Variants in ADGRB3 observed in about 807,000 individuals in gnomAD.
The protein encoded by ADGRB3 is brain-specific angiogenesis inhibitor 3.
In ADGRB3, 37 loss-of-function variants were observed where a neutral mutation model predicts 193.4. That is an observed-to-expected ratio of 0.19 (90% CI 0.15 to 0.25). The LOEUF is 0.25. Among genes scored for constraint, ADGRB3 ranks in the 10% least tolerant of loss-of-function variants. The pLI is 1.00. For missense variants in ADGRB3, 1,637 were observed against 1,852.9 expected (o/e 0.88, Z 2.14); for synonymous variants, 690 against 644.2 (o/e 1.07, Z -1.08).
At position 69,382,898 on chromosome 6, in the gene ADGRB3, T is replaced by C. The variant is rs1268452465; in HGVS notation, c.4343T>C (p.Leu1448Ser). The C allele has an allele frequency of 1.2e-6, 2 of 1,609,624 alleles. No individual in the cohort carries two copies. Among genetic ancestry groups the C allele is most frequent in the East Asian group, 2.2e-5 (1 of 44,612 alleles). Reference sequence around the variant, plus strand: ...GAACTAAATCAGAAATTTCAAACTTTGGACAGATTTCGGGATATACCAAAT... The same window carrying C: ...GAACTAAATCAGAAATTTCAAACTTCGGACAGATTTCGGGATATACCAAAT... ...FQELNQKFQTLDRFRDIPNTS... is the reference protein window; with the variant it reads ...FQELNQKFQTSDRFRDIPNTS... Residue 1448 changes from leucine to serine, a missense_variant, in exon 31 of 32, where the codon TTG becomes TCG. This residue lies in a region of ADGRB3 where 368 missense variants were observed against 367.4 expected (regional missense o/e 1.00). Transcript: ENST00000370598.
At chr6:69,342,307 C>T (rs1047591091) in intron 26 of ADGRB3, among the ~76,000 whole-genome samples, 2 of 152,068 alleles carry the variant, frequency 1.3e-5, no homozygotes, top group African/African-American at 4.8e-5. Flanking sequence ...AGTGTCATAA[C>T]ACTCTTTAGC....
Position 69,016,109 on chromosome 6 carries a change from G to A in ADGRB3, c.1998+2003G>A, listed in dbSNP as rs138333133. 3.1e-3 allele frequency among the ~76,000 whole-genome samples: 473 copies of A among 151,954 alleles called. 2 individuals are homozygous for A. Among genetic ancestry groups the A allele is most frequent in the African/African-American group, 0.01 (432 of 41,482 alleles). ...ATTTACCTATAATCTATATACGGTC[G>A]TTTTGGTGCGACAAGGAAAGAGTTG... On this transcript the variant is annotated intron_variant, in intron 12 of 31. Transcript: ENST00000370598.
intron 20 of ADGRB3, among the ~76,000 whole-genome samples, chr6:69,307,810 G>A (rs534169129): frequency 6.6e-6 from 1 of 151,470 alleles, no homozygotes; most frequent in South Asian, 2.1e-4. Flanking sequence ...GAAGAATTAG[G>A]CAAATGGCTA....
At chr6:68,891,036 T>TA (rs1381239332) in intron 3 of ADGRB3, among the ~76,000 whole-genome samples, 4 of 152,152 alleles carry the variant, frequency 2.6e-5, no homozygotes, top group Non-Finnish European at 5.9e-5. Context: ...TTAGTGGACT[T>TA]ACAGTTCCAC....
chr6:69,179,932 C>T (rs548929294), intron 17 of ADGRB3, among the ~76,000 whole-genome samples: 5 of 152,316 alleles, frequency 3.3e-5, no homozygotes, highest in African/African-American at 1.2e-4. Context: ...TCATGAAGTG[C>T]ACTGTGGTCT....
intron 17 of ADGRB3, among the ~76,000 whole-genome samples, chr6:69,140,036 C>T (rs1774282286): frequency 6.6e-6 from 1 of 152,138 alleles, no homozygotes; most frequent in South Asian, 2.1e-4. Context: ...ACACTGTAGC[C>T]TAGATAATTC....
chr6:69,193,099 A>T (rs1765227464), intron 17 of ADGRB3, among the ~76,000 whole-genome samples: 2 of 152,078 alleles, frequency 1.3e-5, no homozygotes. Context: ...AAGGTTTGAG[A>T]TACTTGTATA....
intron 8 of ADGRB3, among the ~76,000 whole-genome samples, chr6:68,969,361 C>A (rs1379250395): frequency 1.3e-5 from 2 of 151,926 alleles, no homozygotes; most frequent in African/African-American, 2.4e-5. Flanking sequence ...TTGAACCAAC[C>A]ACAGATCAAA....
At chr6:68,903,706 C>A (rs1298878247) in intron 3 of ADGRB3, among the ~76,000 whole-genome samples, 1 of 151,972 alleles carries the variant, frequency 6.6e-6, no homozygotes, top group Admixed American at 6.6e-5. Context: ...TTTCTAATTA[C>A]TAACCTTAAG....
intron 8 of ADGRB3, among the ~76,000 whole-genome samples, chr6:68,968,771 C>T (rs1999788): frequency 0.75 from 114,353 of 152,068 alleles, 43,260 homozygotes; most frequent in Middle Eastern, 0.83. Context: ...TAACATTTGT[C>T]CTAATTCTCC....
intron 6 of ADGRB3, among the ~76,000 whole-genome samples, chr6:68,949,068 TA>T (rs1209816250): frequency 6.6e-6 from 1 of 152,120 alleles, no homozygotes; most frequent in Non-Finnish European, 1.5e-5. Flanking sequence ...CTTTGAATAG[TA>T]AAAAATCGAT....
chr6:69,294,031 A>T (rs1767755104), intron 20 of ADGRB3, among the ~76,000 whole-genome samples: 1 of 151,900 alleles, frequency 6.6e-6, no homozygotes, highest in Non-Finnish European at 1.5e-5. Flanking sequence ...CCTATTGCTA[A>T]TCTCTTGGAT....
chr6:69,040,675 CAAAAAAAAAAAAAAAAAAAAAA>C (rs869146684), intron 13 of ADGRB3, among the ~76,000 whole-genome samples: 2 of 19,518 alleles, frequency 1.0e-4, no homozygotes, highest in African/African-American at 4.4e-4. Context: ...GACTGATGGA[CAAAAAAAAAAAAAAAAAAAAAA>C]AAAAAAAAAA....
intron 11 of ADGRB3, among the ~76,000 whole-genome samples, chr6:69,011,870 G>T (rs993880553): frequency 6.6e-6 from 1 of 151,922 alleles, no homozygotes; most frequent in Non-Finnish European, 1.5e-5. Context: ...TAGTCAGGGC[G>T]CTACTACTGA....
chr6:69,069,762 A>G, intron 16 of ADGRB3, among the ~76,000 whole-genome samples: 1 of 150,272 alleles, frequency 6.7e-6, no homozygotes, highest in South Asian at 2.1e-4. Context: ...AAAGAAAGAA[A>G]AGAAAAAAAT....
chr6:68,664,754 G>T (rs768499970), intron 3 of ADGRB3, among the ~76,000 whole-genome samples: 22 of 151,786 alleles, frequency 1.4e-4, no homozygotes, highest in Non-Finnish European at 2.5e-4. Context: ...GTAGAATGAT[G>T]ATTTGAACCC....
rs549640634 is a variant in ADGRB3 at position 69,240,270 on chromosome 6, C to T, written c.2814+1044C>T. ...GATTCTGATAAATGTTTCTTCTTGG[C>T]CCACATTGCCCTAGGCCAGGGGAAG... On this transcript the variant is annotated intron_variant, in intron 20 of 31. Coordinates refer to ENST00000370598, the MANE Select transcript of ADGRB3 (RefSeq NM_001704.3). Among the ~76,000 whole-genome samples the T allele has an allele frequency of 6.1e-4, 93 of 152,114 alleles. 2 individuals are homozygous for T. The South Asian group carries it at 0.019, about 31-fold the overall frequency.
chr6:69,279,893 C>A (rs1767397132), intron 20 of ADGRB3, among the ~76,000 whole-genome samples: 1 of 152,038 alleles, frequency 6.6e-6, no homozygotes, highest in Non-Finnish European at 1.5e-5. Context: ...TTCTTGGTAT[C>A]TTGTCTGTCT....
rs139105128 is a variant in ADGRB3, at chr6:68,752,552, C to T, written c.757+113120C>T. On this transcript the variant is annotated intron_variant, in intron 3 of 31. Transcript: ENST00000370598. ...CCTCCCAAAGTGCTGGGATTACAGG[C>T]GCGAGCCACTGTACCTGGCTAGTTG... 4.3e-3 allele frequency among the ~76,000 whole-genome samples: 659 copies of T among 152,094 alleles called. 3 individuals carry two copies. Among genetic ancestry groups the T allele is most frequent in the African/African-American group, 0.014 (590 of 41,464 alleles).
Sources: gnomAD v4.1 joint callset for allele counts (sites outside exome capture counted in the v4.1 genomes callset) on GRCh38, gnomAD v4.1.1 for gene constraint, gnomAD v4.1.1 regional missense constraint, MANE v1.5 for transcripts, NCBI Gene and HGNC (gene_info 2026-07-23, HGNC 2026-07-21) for gene names.